TDRD3: variants seen among roughly 807,000 people sequenced by gnomAD.
The protein encoded by TDRD3 is tudor domain containing 3.
TDRD3 carries 45 observed loss-of-function variants against 86.7 expected under a neutral mutation model. That is an observed-to-expected ratio of 0.52 (90% CI 0.41 to 0.67). The LOEUF (loss-of-function observed/expected upper bound fraction) is 0.67, where lower values mean the gene tolerates loss of function less well. TDRD3 is among the 30% of genes least tolerant of loss of function. The pLI is 0.00. For synonymous variants in TDRD3, 298 were observed against 301.7 expected, an observed-to-expected ratio of 0.99 and a Z score of 0.13; for missense variants, 814 against 889.0, an observed-to-expected ratio of 0.92 and a Z score of 1.07.
chr13:60,521,433 C>T (rs1432446694), intron 10 of TDRD3, among the ~76,000 whole-genome samples: 3 of 150,972 alleles, frequency 2.0e-5, no homozygotes, highest in African/African-American at 7.3e-5. Context: ...AACGTAGTAA[C>T]TATGTAAAAA....
intron 8 of TDRD3, among the ~76,000 whole-genome samples, chr13:60,496,625 C>T (rs1366615006): frequency 6.6e-6 from 1 of 151,948 alleles, no homozygotes; most frequent in African/African-American, 2.4e-5. Context: ...TTTAGTGACT[C>T]TATACATAAT....
In TDRD3 at chr13:60,527,275, T is replaced by A. The variant is rs577531354; in HGVS notation, c.1142-1092T>A. Among the ~76,000 whole-genome samples the A allele has an allele frequency of 2.5e-4, 38 of 152,276 alleles. No individual in the cohort carries two copies. In the South Asian group the frequency reaches 2.7e-3, roughly 11 times the overall value. ...CTGTTTGGAAATGTTTGGGGAAAGTTTTGATAGTCAACATCCCTGGGGATG... is the reference window on the plus strand; with the variant it reads ...CTGTTTGGAAATGTTTGGGGAAAGTATTGATAGTCAACATCCCTGGGGATG... On this transcript the variant is annotated intron_variant, in intron 10 of 13. Transcript: ENST00000377881.
chr13:60,511,131 G>A (rs1957050575), intron 10 of TDRD3, among the ~76,000 whole-genome samples: 1 of 151,996 alleles, frequency 6.6e-6, no homozygotes, highest in South Asian at 2.1e-4. Flanking sequence ...GTTTGAAAAT[G>A]TTCACACAAT....
chr13:60,460,717 A>C, intron 4 of TDRD3, 177 bp downstream of exon 4: 2 of 578,178 alleles, frequency 3.5e-6, no homozygotes, highest in Non-Finnish European at 5.4e-6. Flanking sequence ...ATAGTTAAGA[A>C]TATATGGCCA....
intron 8 of TDRD3, among the ~76,000 whole-genome samples, chr13:60,506,115 T>C (rs1031161776): frequency 3.9e-5 from 6 of 152,016 alleles, no homozygotes; most frequent in African/African-American, 1.5e-4. Context: ...GGAAAAAATA[T>C]TAAGGGAAGC....
chr13:60,402,371 A>G (rs990699703), intron 1 of TDRD3, among the ~76,000 whole-genome samples: 3 of 152,232 alleles, frequency 2.0e-5, no homozygotes, highest in African/African-American at 7.2e-5. Flanking sequence ...TACTAGTGGT[A>G]ATAGACATAA....
At chr13:60,471,785 T>C (rs1594978173) in intron 5 of TDRD3, among the ~76,000 whole-genome samples, 2 of 152,216 alleles carry the variant, frequency 1.3e-5, no homozygotes, top group Admixed American at 1.3e-4. Flanking sequence ...ATGTTTGGAG[T>C]TTTCTACATA....
At chr13:60,506,924 G>A (rs1470995941) in intron 8 of TDRD3, among the ~76,000 whole-genome samples, 1 of 152,106 alleles carries the variant, frequency 6.6e-6, no homozygotes. Context: ...TGGATAAAGA[G>A]TCAAGACCCA....
At position 60,509,504 on chromosome 13, in the gene TDRD3, A is replaced by G. The variant is rs892975525; in HGVS notation, c.859-259A>G. 14 of 404,010 alleles carry G rather than the reference A, an allele frequency of 3.5e-5. No individual in the cohort carries two copies. The South Asian group carries it at 4.3e-4, about 12-fold the overall frequency. The allele number at this position is 404,010 out of a possible 1,614,324, so 25.0% of individuals were successfully genotyped here. A position where few individuals can be genotyped will look rare whatever the true frequency, so the allele number is the denominator to read the frequency against. On this transcript the variant is annotated intron_variant, in intron 8 of 13. Transcript: ENST00000377881. ...TTATTTTCAAAGGCCATACTCTAAC[A>G]TATCATAAAATTTATTTTTTGTGTG...
At chr13:60,515,189 T>G (rs1430812875) in intron 10 of TDRD3, among the ~76,000 whole-genome samples, 1 of 152,260 alleles carries the variant, frequency 6.6e-6, no homozygotes, top group East Asian at 1.9e-4. Flanking sequence ...TGATCTGGTA[T>G]ATTTGTAACC....
intron 5 of TDRD3, among the ~76,000 whole-genome samples, chr13:60,468,365 T>C (rs1049631650): frequency 6.6e-6 from 1 of 152,198 alleles, no homozygotes; most frequent in Non-Finnish European, 1.5e-5. Flanking sequence ...ATCATCCCTG[T>C]GCTTTTAGAC....
chr13:60,482,783 G>A (rs1956347757), intron 5 of TDRD3, among the ~76,000 whole-genome samples: 1 of 150,858 alleles, frequency 6.6e-6, no homozygotes, highest in Non-Finnish European at 1.5e-5. Flanking sequence ...AAAATATACA[G>A]TGTTTACACA....
Position 60,528,850 on chromosome 13 carries a change from T to C in TDRD3, c.1625T>C (p.Ile542Thr), listed in dbSNP as rs1421466300. 1 of 1,613,188 alleles carries C rather than the reference T, an allele frequency of 6.2e-7. No individual in the cohort carries two copies. The highest frequency in any genetic ancestry group is 1.3e-5 in the African/African-American group (1 of 74,844). Residue 542 changes from isoleucine to threonine, a missense_variant, in exon 11 of 14, where the codon ATT becomes ACT. By Grantham distance (89) the Ile-to-Thr change is moderately conservative. Coordinates refer to ENST00000377881, the MANE Select transcript of TDRD3 (RefSeq NM_001146070.2). The part of the protein sequence containing the change: ...KRGKRESQTS[I>T]PDYFYDRKSQ... ...GGAAAAAGAGAAAGCCAAACATCTA[T>C]TCCTGATTATTTTTATGACAGGAAA...
chr13:60,450,686 G>T (rs189557965), intron 3 of TDRD3, among the ~76,000 whole-genome samples: 1 of 152,252 alleles, frequency 6.6e-6, no homozygotes, highest in African/African-American at 2.4e-5. Context: ...AAGAGATAGG[G>T]ATGTAGAGAT....
At chr13:60,419,931 T>C (rs1008923864) in intron 1 of TDRD3, among the ~76,000 whole-genome samples, 1 of 152,102 alleles carries the variant, frequency 6.6e-6, no homozygotes, top group African/African-American at 2.4e-5. Flanking sequence ...TTTTTAATGT[T>C]TTTCCTATAA....
chr13:60,562,817 T>G (rs1400122760), intron 12 of TDRD3, among the ~76,000 whole-genome samples: 1 of 152,182 alleles, frequency 6.6e-6, no homozygotes, highest in Non-Finnish European at 1.5e-5. Flanking sequence ...AGTTTTTATT[T>G]TTTTTTTCAT....
intron 10 of TDRD3, among the ~76,000 whole-genome samples, chr13:60,519,207 C>T (rs1166088108): frequency 1.3e-5 from 2 of 151,996 alleles, no homozygotes; most frequent in African/African-American, 4.8e-5. Flanking sequence ...ATTTATTAAC[C>T]ATAAGATAAA....
chr13:60,467,265 T>G lies in TDRD3; in HGVS notation c.381T>G (p.Val127=). 1.2e-6 allele frequency: 2 copies of G among 1,613,954 alleles called. No homozygotes were observed. Among genetic ancestry groups the G allele is most frequent in the Non-Finnish European group, 1.7e-6 (2 of 1,179,876 alleles). ...ISLNTPPGTK[V]KLSGIVDIKN... is the part of the protein sequence containing the mutation. ...TGAACACACCACCTGGAACTAAAGT[T>G]AAGCTCTCAGGCATTGTTGACATAA... Residue 127 remains valine (V), a synonymous_variant, in exon 5 of 14, where the codon GTT becomes GTG. Coordinates refer to ENST00000377881, the MANE Select transcript of TDRD3 (RefSeq NM_001146070.2).
At chr13:60,416,749 G>C (rs1954527026) in intron 1 of TDRD3, among the ~76,000 whole-genome samples, 1 of 152,028 alleles carries the variant, frequency 6.6e-6, no homozygotes, top group Admixed American at 6.6e-5. Flanking sequence ...TTCCTTACTG[G>C]CTCTGTTACT....
Sources: gnomAD v4.1 joint callset for allele counts (sites outside exome capture counted in the v4.1 genomes callset) on GRCh38, gnomAD v4.1.1 for gene constraint, MANE v1.5 for transcripts, NCBI Gene and HGNC (gene_info 2026-07-23, HGNC 2026-07-21) for gene names.